MME: variants seen among roughly 807,000 people sequenced by gnomAD.
MME encodes the protein membrane metalloendopeptidase.
In MME, 98 loss-of-function variants were observed where a neutral mutation model predicts 113.2. The ratio of observed to expected loss-of-function variants is 0.87; its 90% CI spans 0.74 to 1.02. The LOEUF is 1.02. Among genes scored for constraint, MME ranks in the 50% least tolerant of loss-of-function variants. The pLI is 0.00. For missense variants in MME, 836 were observed against 896.0 expected (o/e 0.93, Z 0.86); for synonymous variants, 292 against 300.6 (o/e 0.97, Z 0.30).
chr3:155,129,737 T>C (rs966775967), intron 8 of MME, among the ~76,000 whole-genome samples: 1 of 152,150 alleles, frequency 6.6e-6, no homozygotes, highest in Admixed American at 6.6e-5. Context: ...AATGACACAA[T>C]GCTATCTCAA....
intron 3 of MME, among the ~76,000 whole-genome samples, chr3:155,088,568 A>G (rs2108182225): frequency 6.6e-6 from 1 of 152,092 alleles, no homozygotes; most frequent in Admixed American, 6.5e-5. Flanking sequence ...CTGTAATTCC[A>G]GCTACTCAGG....
intron 8 of MME, among the ~76,000 whole-genome samples, chr3:155,131,372 T>C (rs1720133770): frequency 6.6e-6 from 1 of 152,168 alleles, no homozygotes. Context: ...AACACAGCTA[T>C]GACATGATAA....
chr3:155,177,680 T>C (rs978708771), intron 22 of MME, among the ~76,000 whole-genome samples: 3 of 152,164 alleles, frequency 2.0e-5, no homozygotes. Flanking sequence ...ATGGTCCAAA[T>C]AGTGAATTTG....
At chr3:155,087,024 A>T in intron 3 of MME, among the ~76,000 whole-genome samples, 1 of 143,372 alleles carries the variant, frequency 7.0e-6, no homozygotes, top group African/African-American at 2.6e-5. Flanking sequence ...TTTTGTAGAG[A>T]CAGGGTCTCA....
chr3:155,120,310 T>C (rs1295042426), intron 8 of MME, among the ~76,000 whole-genome samples: 2 of 113,058 alleles, frequency 1.8e-5, no homozygotes, highest in African/African-American at 6.1e-5. Context: ...AGATTCTGGA[T>C]ATTAGCCCTT....
chr3:155,138,048 C>A, intron 8 of MME, 54 bp from the exon 9 acceptor site: 1 of 1,587,796 alleles, frequency 6.3e-7, no homozygotes, highest in Non-Finnish European at 8.6e-7. Flanking sequence ...TTTTAAGTAC[C>A]ATGATGAATA....
chr3:155,150,333 G>A (rs963530283), intron 16 of MME, among the ~76,000 whole-genome samples: 5 of 151,998 alleles, frequency 3.3e-5, no homozygotes, highest in Admixed American at 3.3e-4. Flanking sequence ...TTCATCATAT[G>A]GGCTGATTTT....
intron 3 of MME, chr3:155,085,685 C>A (rs1298182970): frequency 6.6e-6 from 1 of 152,492 alleles, no homozygotes; most frequent in African/African-American, 2.4e-5. Context: ...GTACCCACCA[C>A]CACGCCTGGC....
At chr3:155,171,105 G>T (rs1008162150) in intron 20 of MME, among the ~76,000 whole-genome samples, 1 of 152,198 alleles carries the variant, frequency 6.6e-6, no homozygotes, top group Non-Finnish European at 1.5e-5. Flanking sequence ...TCCAGCCAAA[G>T]TTGGGATTGA....
intron 1 of MME, among the ~76,000 whole-genome samples, chr3:155,069,036 G>A (rs952298035): frequency 2.0e-5 from 3 of 152,164 alleles, no homozygotes; most frequent in Admixed American, 6.5e-5. Context: ...ACTGGAACAA[G>A]GCTGAGCCTG....
intron 5 of MME, 43 bp from the exon 6 acceptor site, chr3:155,116,621 T>G: frequency 6.7e-7 from 1 of 1,498,480 alleles, no homozygotes. Context: ...TGCCAAACTA[T>G]GCCTAGATTT....
intron 3 of MME, among the ~76,000 whole-genome samples, 189 bp from the exon 4 acceptor site, chr3:155,114,805 T>G (rs1330864350): frequency 6.6e-6 from 1 of 152,134 alleles, no homozygotes; most frequent in African/African-American, 2.4e-5. Flanking sequence ...ACGAACCAAC[T>G]ATAGTGAAGG....
At chr3:155,069,139 T>A (rs1470158621) in intron 1 of MME, among the ~76,000 whole-genome samples, 1 of 152,058 alleles carries the variant, frequency 6.6e-6, no homozygotes, top group African/African-American at 2.4e-5. Context: ...TTTTTGTAGG[T>A]TTGGGAGTTG....
chr3:155,108,805 A>T (rs576918012), intron 3 of MME, among the ~76,000 whole-genome samples: 2 of 152,142 alleles, frequency 1.3e-5, no homozygotes, highest in African/African-American at 2.4e-5. Flanking sequence ...GGGAATGCAC[A>T]TATATAAATA....
At chr3:155,054,894 G>A (rs895410819) in intron 1 of MME, among the ~76,000 whole-genome samples, 11 of 152,128 alleles carry the variant, frequency 7.2e-5, no homozygotes, top group Non-Finnish European at 1.0e-4. Flanking sequence ...ATATCCAAAT[G>A]GCCAATTAAC....
At chr3:155,103,707 C>T (rs1308889603) in intron 3 of MME, among the ~76,000 whole-genome samples, 2 of 152,134 alleles carry the variant, frequency 1.3e-5, no homozygotes, top group African/African-American at 4.8e-5. Flanking sequence ...CTGAATTCCT[C>T]CCTTCTCAAT....
At chr3:155,168,354 A>G in intron 18 of MME, 138 bp from the exon 19 acceptor site, 4 of 800,796 alleles carry the variant, frequency 5.0e-6, no homozygotes, top group Non-Finnish European at 8.4e-6. Flanking sequence ...ATGAGGAGGG[A>G]TGACAGTCTC....
chr3:155,030,350 AG>A (rs1418263802), intron 1 of MME, among the ~76,000 whole-genome samples: 2 of 146,152 alleles, frequency 1.4e-5, no homozygotes, highest in African/African-American at 5.1e-5. Context: ...AATCCCAGAA[AG>A]TCATATTTTG....
intron 10 of MME, among the ~76,000 whole-genome samples, chr3:155,141,515 C>T (rs1721085465): frequency 1.3e-5 from 2 of 152,214 alleles, no homozygotes; most frequent in Admixed American, 1.3e-4. Flanking sequence ...TCTTTGACTT[C>T]ATAACATCAC....
Sources: allele counts gnomAD v4.1 joint callset (sites outside exome capture counted in the v4.1 genomes callset), GRCh38; gene constraint gnomAD v4.1.1; transcripts MANE v1.5; gene names NCBI Gene and HGNC (gene_info 2026-07-23, HGNC 2026-07-21).